SETX: variants seen among roughly 807,000 people sequenced by gnomAD.
SETX encodes helicase senataxin.
In SETX, 90 loss-of-function variants were observed where a neutral mutation model predicts 227.2. That is an observed-to-expected ratio of 0.40 (90% CI 0.33 to 0.47). SETX has a LOEUF of 0.47. SETX is among the 20% of genes least tolerant of loss of function. The pLI is 0.91. For synonymous variants in SETX, 1,210 were observed against 1,113.2 expected, an observed-to-expected ratio of 1.09 and a Z score of -1.73; for missense variants, 3,052 against 3,181.5, an observed-to-expected ratio of 0.96 and a Z score of 0.98.
chr9:132,282,482 G>C (rs371669801), intron 19 of SETX, among the ~76,000 whole-genome samples: 2 of 151,782 alleles, frequency 1.3e-5, no homozygotes, highest in East Asian at 1.9e-4. Context: ...TAGAGACAAG[G>C]TTTCACCATG....
At chr9:132,342,304 C>T (rs527731702) in intron 5 of SETX, among the ~76,000 whole-genome samples, 1 of 152,178 alleles carries the variant, frequency 6.6e-6, no homozygotes, top group African/African-American at 2.4e-5. Flanking sequence ...TCCCTCCCTA[C>T]CTTCCCTTGT....
intron 23 of SETX, 97 bp downstream of exon 23, chr9:132,275,159 A>G (rs1479277783): frequency 3.2e-5 from 43 of 1,356,454 alleles, no homozygotes; most frequent in Non-Finnish European, 4.3e-5. Context: ...CAATTTGCAC[A>G]GACCACTCCT....
At chr9:132,355,989 GAAAAAAAAAA>G (rs1213549776), upstream of SETX, among the ~76,000 whole-genome samples, 2 of 85,168 alleles carry the variant, frequency 2.3e-5, no homozygotes, top group East Asian at 2.8e-4. Context: ...TCTCTCTCCG[GAAAAAAAAAA>G]AAAAAAAAAA....
chr9:132,279,719 T>C (rs1474396359), intron 20 of SETX, among the ~76,000 whole-genome samples: 1 of 152,184 alleles, frequency 6.6e-6, no homozygotes, highest in Non-Finnish European at 1.5e-5. Flanking sequence ...AAAACCTAAT[T>C]TTTAATCTTT....
chr9:132,349,109 C>T (rs984932136), intron 3 of SETX, 143 bp downstream of exon 3: 21 of 844,606 alleles, frequency 2.5e-5, no homozygotes, highest in South Asian at 3.1e-5. Flanking sequence ...CTAACAACAA[C>T]AAAAACAAAA....
chr9:132,265,840 G>A (rs1369724516), intron 25 of SETX, among the ~76,000 whole-genome samples: 3 of 152,208 alleles, frequency 2.0e-5, no homozygotes, highest in East Asian at 3.9e-4. Context: ...ACTTCTGAGT[G>A]CATGTGACTA....
intron 20 of SETX, among the ~76,000 whole-genome samples, chr9:132,278,849 CA>C (rs1327187271): frequency 6.6e-6 from 1 of 152,146 alleles, no homozygotes; most frequent in Non-Finnish European, 1.5e-5. Flanking sequence ...CTTTTGAAGA[CA>C]AAATTCTTCA....
chr9:132,268,881 A>G (rs959017822), intron 25 of SETX, among the ~76,000 whole-genome samples: 12 of 152,234 alleles, frequency 7.9e-5, no homozygotes, highest in African/African-American at 2.9e-4. Context: ...TGGAGGTGAT[A>G]GAGGAGTGAA....
chr9:132,355,841 C>T (rs1042649040), upstream of SETX, among the ~76,000 whole-genome samples: 1 of 151,790 alleles, frequency 6.6e-6, no homozygotes, highest in African/African-American at 2.4e-5. Context: ...AAAAAGATTA[C>T]CTGGGCGTGG....
At chr9:132,274,427 G>A (rs992773942) in intron 23 of SETX, among the ~76,000 whole-genome samples, 1 of 150,888 alleles carries the variant, frequency 6.6e-6, no homozygotes, top group African/African-American at 2.4e-5. Context: ...TTGTTATAAA[G>A]GTCTGATTTT....
chr9:132,294,848 C>G (rs1844579373), intron 15 of SETX, among the ~76,000 whole-genome samples: 1 of 152,150 alleles, frequency 6.6e-6, no homozygotes, highest in Non-Finnish European at 1.5e-5. Flanking sequence ...GGCAGAGTAG[C>G]CATACCAGTG....
intron 6 of SETX, among the ~76,000 whole-genome samples, chr9:132,335,077 G>A (rs980913831): frequency 2.6e-5 from 4 of 151,916 alleles, no homozygotes; most frequent in Admixed American, 6.6e-5. Flanking sequence ...CTTAAGATTT[G>A]GAATCAAGGA....
rs991094267 is a variant in SETX at position 132,345,376 on chromosome 9, T to A, written c.388+885A>T. Among the ~76,000 whole-genome samples the A allele has an allele frequency of 2.0e-5, 3 of 152,296 alleles. No individual in the cohort carries two copies. In the East Asian group the frequency reaches 5.8e-4, roughly 29 times the overall value. ...GCAACCTCCGCCTTCCAGGTTCAAG[T>A]GATTCTCCTGCCTCAGCCTCCTGAG... On this transcript the variant is annotated intron_variant, in intron 4 of 25. Coordinates refer to ENST00000224140, the MANE Select transcript of SETX (RefSeq NM_015046.7).
chr9:132,265,455 G>A (rs143137052), intron 25 of SETX, among the ~76,000 whole-genome samples: 2,363 of 152,048 alleles, frequency 0.016, 57 homozygotes, highest in African/African-American at 0.054. Context: ...TCGATCTCCT[G>A]ACCTCATGAT....
At chr9:132,333,753 C>G (rs1466694122) in intron 7 of SETX, among the ~76,000 whole-genome samples, 1 of 152,090 alleles carries the variant, frequency 6.6e-6, no homozygotes, top group African/African-American at 2.4e-5. Flanking sequence ...TCTAGACTAT[C>G]TGGAGCAGCA....
intron 13 of SETX, 127 bp downstream of exon 13, chr9:132,297,953 A>G: frequency 1.2e-6 from 1 of 800,818 alleles, no homozygotes; most frequent in Non-Finnish European, 2.1e-6. Context: ...ACTAAAGAAA[A>G]CTAACACTAA....
chr9:132,313,766 A>C (rs1362801435), intron 10 of SETX, among the ~76,000 whole-genome samples: 1 of 152,036 alleles, frequency 6.6e-6, no homozygotes, highest in Non-Finnish European at 1.5e-5. Flanking sequence ...CCAGGTTCAG[A>C]GGATGAAAAA....
chr9:132,350,996 T>C (rs1306238170), intron 2 of SETX, among the ~76,000 whole-genome samples: 2 of 152,210 alleles, frequency 1.3e-5, no homozygotes, highest in East Asian at 1.9e-4. Flanking sequence ...TGCCTTCTAG[T>C]ACAAGGGCAC....
chr9:132,269,624 C>G lies in SETX; in HGVS notation c.7278G>C (p.Arg2426Ser), dbSNP rs775128334. Residue 2426 changes from arginine to serine, a missense_variant, in exon 25 of 26, where the codon AGG (arginine) becomes AGC (serine). Around this residue, in one of 10 missense-constraint regions of SETX, gnomAD observed 412 missense variants for 589.0 expected, o/e 0.70. Coordinates refer to ENST00000224140, the MANE Select transcript of SETX (RefSeq NM_015046.7). ...GCTCTCTGGTACCTACCATCAGGGT[C>G]CTCAAATGTCCGAGGATGAAGAGGC... ...KYSLFILGHL[R>S]TLMENQHWNQ... is the part of the protein sequence containing the mutation. 6.2e-7 allele frequency: 1 copy of G among 1,614,192 alleles called. No homozygotes were observed. The highest frequency in any genetic ancestry group is 1.1e-5 in the South Asian group (1 of 91,076).
Sources: gnomAD v4.1 joint callset for allele counts (sites outside exome capture counted in the v4.1 genomes callset) on GRCh38, gnomAD v4.1.1 for gene constraint, gnomAD v4.1.1 regional missense constraint, MANE v1.5 for transcripts, NCBI Gene and HGNC (gene_info 2026-07-23, HGNC 2026-07-21) for gene names.